The following THSD7B variants were observed in gnomAD, a reference collection of about 807,000 sequenced individuals.
THSD7B encodes thrombospondin type-1 domain-containing protein 7B.
In THSD7B, 138 loss-of-function variants were observed where a neutral mutation model predicts 213.6. That is an observed-to-expected ratio of 0.65 (90% CI 0.56 to 0.74). The LOEUF (loss-of-function observed/expected upper bound fraction) is 0.74, where lower values mean the gene tolerates loss of function less well. THSD7B is among the 30% of genes least tolerant of loss of function. THSD7B has a pLI of 0.00. For missense variants in THSD7B, 1,931 were observed against 1,991.5 expected (o/e 0.97, Z 0.58); for synonymous variants, 742 against 687.0 (o/e 1.08, Z -1.25).
intron 2 of THSD7B, among the ~76,000 whole-genome samples, chr2:136,913,817 C>A (rs1418621161): frequency 6.6e-6 from 1 of 152,260 alleles, no homozygotes; most frequent in Non-Finnish European, 1.5e-5. Context: ...AATTTTGCTG[C>A]AAGGGCAGGG....
chr2:137,627,613 G>A (rs1260836805), intron 20 of THSD7B, among the ~76,000 whole-genome samples: 1 of 152,154 alleles, frequency 6.6e-6, no homozygotes, highest in Non-Finnish European at 1.5e-5. Context: ...AACCAGGCAT[G>A]ACTCACAATT....
At chr2:136,808,235 T>A (rs1361764610) in intron 1 of THSD7B, among the ~76,000 whole-genome samples, 1 of 152,164 alleles carries the variant, frequency 6.6e-6, no homozygotes, top group East Asian at 1.9e-4. Flanking sequence ...GTGCAGATCT[T>A]TTTGTTTTTA....
In THSD7B at chr2:137,092,703, C is replaced by T. The variant is rs184059807; in HGVS notation, c.951-2170C>T. On this transcript the variant is annotated intron_variant, in intron 3 of 27. Coordinates refer to ENST00000409968, the MANE Select transcript of THSD7B (RefSeq NM_001316349.2). ...AGGCTGGAGTGCGGTGGTGCAGTCT[C>T]GGCTCACTATAGCCCCCTCCTCCCA... Among the ~76,000 whole-genome samples, 834 of 152,158 alleles carry T rather than the reference C, an allele frequency of 5.5e-3. 4 individuals carry two copies. The highest frequency in any genetic ancestry group is 4.9e-3 in the Non-Finnish European group (331 of 68,006).
intron 15 of THSD7B, among the ~76,000 whole-genome samples, chr2:137,541,386 C>A (rs1252627373): frequency 6.6e-6 from 1 of 151,486 alleles, no homozygotes; most frequent in Non-Finnish European, 1.5e-5. Context: ...CTTAAGGAGA[C>A]AACTATTTTT....
intron 2 of THSD7B, among the ~76,000 whole-genome samples, chr2:136,890,368 T>C (rs1220862990): frequency 6.9e-4 from 3 of 4,356 alleles, no homozygotes; most frequent in African/African-American, 2.5e-3. Context: ...CTTCTTCTTC[T>C]TCTTCTTCCT....
chr2:137,230,481 A>C (rs573700201), intron 7 of THSD7B, among the ~76,000 whole-genome samples: 39 of 152,292 alleles, frequency 2.6e-4, no homozygotes, highest in African/African-American at 9.4e-4. Flanking sequence ...ACTGGCTGTC[A>C]ACTTTATGTC....
chr2:137,212,556 T>C (rs1449176658), intron 7 of THSD7B, among the ~76,000 whole-genome samples: 2 of 152,080 alleles, frequency 1.3e-5, no homozygotes, highest in African/African-American at 4.8e-5. Flanking sequence ...ATTGTCTGAA[T>C]TGGGACTAAT....
chr2:137,405,230 G>A lies in THSD7B; in HGVS notation c.2501-383G>A, dbSNP rs146724415. ...AAAAAAAAAATGACATCTAGGAGGA[G>A]CCTAAGTGATTTTTTAAAAGTAGTT... On this transcript the variant is annotated intron_variant, in intron 12 of 27. Coordinates refer to ENST00000409968, the MANE Select transcript of THSD7B (RefSeq NM_001316349.2). Among the ~76,000 whole-genome samples the A allele has an allele frequency of 1.3e-3, 189 of 150,976 alleles. 1 individual carries two copies. The highest frequency in any genetic ancestry group is 4.2e-3 in the African/African-American group (175 of 41,190).
At chr2:137,486,830 T>G (rs933386940) in intron 15 of THSD7B, among the ~76,000 whole-genome samples, 50 of 152,114 alleles carry the variant, frequency 3.3e-4, no homozygotes, top group African/African-American at 1.2e-3. Context: ...GAACTCAGGA[T>G]TAAGAAACTC....
chr2:137,526,649 C>T (rs2105173928), intron 15 of THSD7B, among the ~76,000 whole-genome samples: 1 of 152,262 alleles, frequency 6.6e-6, no homozygotes, highest in Non-Finnish European at 1.5e-5. Context: ...GTCTCGAAAT[C>T]CTGACCTCAG....
At chr2:137,052,776 G>C (rs933660671) in intron 2 of THSD7B, among the ~76,000 whole-genome samples, 3 of 152,042 alleles carry the variant, frequency 2.0e-5, no homozygotes, top group African/African-American at 7.2e-5. Flanking sequence ...TGTATGTATT[G>C]AAAGTTCATA....
chr2:137,125,047 C>T (rs1688608414), intron 5 of THSD7B, among the ~76,000 whole-genome samples: 1 of 152,132 alleles, frequency 6.6e-6, no homozygotes, highest in East Asian at 1.9e-4. Context: ...TCTTTTGAAA[C>T]TCAGTTCTGG....
intron 6 of THSD7B, among the ~76,000 whole-genome samples, chr2:137,162,330 G>A (rs1680035024): frequency 6.6e-6 from 1 of 152,084 alleles, no homozygotes; most frequent in East Asian, 1.9e-4. Flanking sequence ...ATTGGTCCCC[G>A]GAAGAGTCCT....
intron 2 of THSD7B, among the ~76,000 whole-genome samples, chr2:136,900,697 T>C (rs912292985): frequency 6.6e-6 from 1 of 152,230 alleles, no homozygotes; most frequent in African/African-American, 2.4e-5. Flanking sequence ...TTCATTTTCA[T>C]GCATTATGTA....
At chr2:137,666,626 CTG>C (rs558936295) in intron 26 of THSD7B, among the ~76,000 whole-genome samples, 51 of 149,174 alleles carry the variant, frequency 3.4e-4, no homozygotes, top group Non-Finnish European at 6.5e-4. Context: ...TAATGAATCT[CTG>C]TGTGTGTTTC....
At chr2:137,554,457 T>A (rs1399252753) in intron 15 of THSD7B, among the ~76,000 whole-genome samples, 1 of 152,184 alleles carries the variant, frequency 6.6e-6, no homozygotes, top group Non-Finnish European at 1.5e-5. Context: ...TCAAACTGTG[T>A]CTCTCTGAGC....
chr2:137,448,651 T>C (rs1348465296), intron 14 of THSD7B, among the ~76,000 whole-genome samples: 1 of 151,986 alleles, frequency 6.6e-6, no homozygotes, highest in Non-Finnish European at 1.5e-5. Flanking sequence ...CAAAAAAAAT[T>C]AGCCGGGAGC....
At chr2:137,238,618 A>G (rs1681827664) in intron 9 of THSD7B, among the ~76,000 whole-genome samples, 1 of 128,612 alleles carries the variant, frequency 7.8e-6, no homozygotes, top group South Asian at 2.4e-4. Flanking sequence ...CAGTGGCGCA[A>G]TCTCGGCTCA....
At chr2:137,507,398 T>C (rs1368734162) in intron 15 of THSD7B, among the ~76,000 whole-genome samples, 1 of 152,188 alleles carries the variant, frequency 6.6e-6, no homozygotes, top group East Asian at 1.9e-4. Context: ...CCCATAACTT[T>C]GGGGTTCGGT....
Sources: allele counts gnomAD v4.1 joint callset (sites outside exome capture counted in the v4.1 genomes callset), GRCh38; gene constraint gnomAD v4.1.1; transcripts MANE v1.5; gene names NCBI Gene and HGNC (gene_info 2026-07-23, HGNC 2026-07-21).